The following KCNAB1 variants were observed in gnomAD, a reference collection of about 807,000 sequenced individuals.
The protein encoded by KCNAB1 is voltage-gated potassium channel subunit beta-1.
KCNAB1 carries 35 observed loss-of-function variants against 64.6 expected under a neutral mutation model. That is an observed-to-expected ratio of 0.54 (90% confidence interval 0.41 to 0.72). The LOEUF (loss-of-function observed/expected upper bound fraction) is 0.72, where lower values mean the gene tolerates loss of function less well. Ranked by LOEUF, KCNAB1 falls within the 30% of genes least tolerant of loss-of-function variation. KCNAB1 has a pLI of 0.00. For missense variants in KCNAB1, 401 were observed against 512.9 expected (o/e 0.78, Z 2.11); for synonymous variants, 177 against 183.8 (o/e 0.96, Z 0.30).
At chr3:156,148,580 A>G (rs1380504022) in intron 1 of KCNAB1, among the ~76,000 whole-genome samples, 1 of 152,226 alleles carries the variant, frequency 6.6e-6, no homozygotes, top group African/African-American at 2.4e-5. Context: ...GCCTAATTTA[A>G]CTTACTTCAC....
chr3:156,289,681 G>A (rs1720289390), intron 1 of KCNAB1, among the ~76,000 whole-genome samples: 1 of 152,186 alleles, frequency 6.6e-6, no homozygotes, highest in Non-Finnish European at 1.5e-5. Flanking sequence ...TTAAAGTAAA[G>A]TGTGGGAAGG....
At chr3:156,354,168 T>A (rs1013360063) in intron 1 of KCNAB1, among the ~76,000 whole-genome samples, 7 of 141,606 alleles carry the variant, frequency 4.9e-5, no homozygotes, top group South Asian at 4.4e-4. Flanking sequence ...ATGTATATAT[T>A]TTTTTTTGGA....
At chr3:156,230,404 G>A (rs111867803) in intron 1 of KCNAB1, among the ~76,000 whole-genome samples, 4,745 of 152,260 alleles carry the variant, frequency 0.031, 283 homozygotes, top group African/African-American at 0.11. Context: ...TGTGTAGTGG[G>A]CTATGCCATT....
rs56300218 is a variant in KCNAB1 at position 156,176,737 on chromosome 3, G to T, written c.275+55851G>T. 836 of 928,648 alleles carry T rather than the reference G, an allele frequency of 9.0e-4. 6 individuals carry two copies. In the African/African-American group the frequency reaches 0.012, roughly 13 times the overall value. 57.5% of individuals were successfully genotyped at this position (928,648 alleles called of 1,614,324 possible). On this transcript the variant is annotated intron_variant, in intron 1 of 13. Transcript: ENST00000490337. ...TCATGTCCAGAGAGCAGCATGATTG[G>T]GGCTTGAAGGGAGGAACACCTCGGA... is the stretch of plus-strand genomic sequence containing the variant.
At chr3:156,305,299 G>A (rs935675465) in intron 1 of KCNAB1, among the ~76,000 whole-genome samples, 12 of 152,122 alleles carry the variant, frequency 7.9e-5, no homozygotes, top group Non-Finnish European at 1.5e-4. Context: ...TATGTGCATG[G>A]CTTCAAAATA....
At chr3:156,368,348 C>T (rs1169896812) in intron 1 of KCNAB1, among the ~76,000 whole-genome samples, 1 of 150,294 alleles carries the variant, frequency 6.7e-6, no homozygotes, top group African/African-American at 2.5e-5. Flanking sequence ...TAAAGCTCAC[C>T]TGGTGATCCG....
chr3:156,216,529 T>C (rs1463803827), intron 1 of KCNAB1, among the ~76,000 whole-genome samples: 1 of 152,188 alleles, frequency 6.6e-6, no homozygotes, highest in Non-Finnish European at 1.5e-5. Context: ...GTTTATCTGG[T>C]CCTTAGGTTT....
upstream of KCNAB1, among the ~76,000 whole-genome samples, chr3:156,118,527 G>A (rs529269527): frequency 4.6e-5 from 7 of 152,336 alleles, no homozygotes; most frequent in African/African-American, 1.7e-4. Context: ...GAGTGTCAAA[G>A]AATTAGTTTT....
chr3:156,463,948 G>A (rs1713146011), intron 6 of KCNAB1, among the ~76,000 whole-genome samples: 1 of 151,850 alleles, frequency 6.6e-6, no homozygotes, highest in Non-Finnish European at 1.5e-5. Context: ...AAGAAATTTA[G>A]TGCAAAGCAT....
intron 1 of KCNAB1, chr3:156,291,313 G>A: frequency 1.0e-6 from 1 of 989,612 alleles, no homozygotes; most frequent in Non-Finnish European, 1.2e-6. Context: ...GCGGAGGCGG[G>A]AGGGAGCTGA....
chr3:156,154,521 C>G (rs536767420), intron 1 of KCNAB1, among the ~76,000 whole-genome samples: 7 of 152,028 alleles, frequency 4.6e-5, no homozygotes, highest in Admixed American at 1.3e-4. Context: ...TAGATAAATG[C>G]GCCAGAGGAT....
At chr3:156,157,301 C>A (rs1715780446) in intron 1 of KCNAB1, among the ~76,000 whole-genome samples, 8 of 152,172 alleles carry the variant, frequency 5.3e-5, no homozygotes, top group Admixed American at 5.2e-4. Context: ...ATCCATTGAG[C>A]AGCATCTCTG....
intron 10 of KCNAB1, 138 bp downstream of exon 10, chr3:156,515,358 TC>T (rs1717486704): frequency 5.3e-6 from 4 of 753,794 alleles, no homozygotes; most frequent in Non-Finnish European, 6.1e-6. Flanking sequence ...AACCATGCAT[TC>T]CAGAGATTGT....
chr3:156,511,394 T>A (rs545048268), intron 8 of KCNAB1, among the ~76,000 whole-genome samples: 8 of 152,216 alleles, frequency 5.3e-5, no homozygotes, highest in Non-Finnish European at 1.0e-4. Context: ...TGAGCCACCG[T>A]GCCCCGCCCG....
chr3:156,313,391 G>A (rs1722058743), intron 1 of KCNAB1, among the ~76,000 whole-genome samples: 2 of 152,156 alleles, frequency 1.3e-5, no homozygotes, highest in African/African-American at 4.8e-5. Flanking sequence ...ATTAAATTTA[G>A]GATCTTGAGA....
At chr3:156,524,398 G>A (rs183028943) in intron 12 of KCNAB1, among the ~76,000 whole-genome samples, 148 of 152,226 alleles carry the variant, frequency 9.7e-4, no homozygotes, top group African/African-American at 3.2e-3. Flanking sequence ...GGCCATAAAC[G>A]TTGTTCTTCT....
intron 8 of KCNAB1, among the ~76,000 whole-genome samples, chr3:156,491,763 T>C (rs960756775): frequency 2.1e-4 from 32 of 152,094 alleles, no homozygotes; most frequent in African/African-American, 7.7e-4. Flanking sequence ...ACTCCTCTTA[T>C]AGGGCCACAG....
At chr3:156,261,225 T>C (rs2108478969) in intron 1 of KCNAB1, among the ~76,000 whole-genome samples, 1 of 152,212 alleles carries the variant, frequency 6.6e-6, no homozygotes, top group Admixed American at 6.5e-5. Context: ...TTGTTTTACT[T>C]AAAGTAAAAT....
intron 7 of KCNAB1, among the ~76,000 whole-genome samples, chr3:156,473,017 C>G (rs1714046792): frequency 6.6e-6 from 1 of 152,156 alleles, no homozygotes; most frequent in African/African-American, 2.4e-5. Context: ...GAGAGAGGGC[C>G]ATTGTCAGAA....
Sources: allele counts gnomAD v4.1 joint callset (sites outside exome capture counted in the v4.1 genomes callset), GRCh38; gene constraint gnomAD v4.1.1; transcripts MANE v1.5; gene names NCBI Gene and HGNC (gene_info 2026-07-23, HGNC 2026-07-21).